The following CDC42BPB variants were observed in gnomAD, a reference collection of about 807,000 sequenced individuals.
CDC42BPB encodes CDC42 binding protein kinase beta, also known as serine/threonine-protein kinase MRCK beta.
In CDC42BPB, 37 loss-of-function variants were observed where a neutral mutation model predicts 214.9. That is an observed-to-expected ratio of 0.17 (90% CI 0.13 to 0.23). The LOEUF (loss-of-function observed/expected upper bound fraction) is 0.23. Among genes scored for constraint, CDC42BPB ranks in the 10% least tolerant of loss-of-function variants. The pLI, the probability that CDC42BPB is intolerant of heterozygous loss-of-function variation, is 1.00. For missense variants in CDC42BPB, 1,694 were observed against 2,227.0 expected, an observed-to-expected ratio of 0.76 and a Z score of 4.82; for synonymous variants, 931 against 884.0, an observed-to-expected ratio of 1.05 and a Z score of -0.94.
At chr14:102,965,547 A>G (rs1162786086) in intron 18 of CDC42BPB, among the ~76,000 whole-genome samples, 1 of 152,210 alleles carries the variant, frequency 6.6e-6, no homozygotes, top group African/African-American at 2.4e-5. Flanking sequence ...GAGGTATCAA[A>G]GAAGTCCAGA....
intron 8 of CDC42BPB, among the ~76,000 whole-genome samples, chr14:102,979,928 G>C (rs1363364757): frequency 1.2e-4 from 19 of 152,188 alleles, no homozygotes; most frequent in Admixed American, 1.2e-3. Flanking sequence ...TTAAACATCA[G>C]TGCGGAGACT....
At chr14:102,977,339 CAAAAAAA>C (rs56368090) in intron 9 of CDC42BPB, among the ~76,000 whole-genome samples, 877 of 85,104 alleles carry the variant, frequency 0.01, 14 homozygotes, top group African/African-American at 0.035. Flanking sequence ...ACTCCGTCTC[CAAAAAAA>C]AAAAAAAAAA....
chr14:103,030,892 C>T (rs2139704086), intron 1 of CDC42BPB, among the ~76,000 whole-genome samples: 1 of 151,954 alleles, frequency 6.6e-6, no homozygotes, highest in Admixed American at 6.6e-5. Flanking sequence ...GAGGCTGAGA[C>T]GGGAGGATGG....
chr14:102,980,639 A>G, intron 8 of CDC42BPB, 134 bp downstream of exon 8: 1 of 783,482 alleles, frequency 1.3e-6, no homozygotes, highest in Non-Finnish European at 2.1e-6. Flanking sequence ...GAAGGCTGGA[A>G]TAAAAAGCAC....
In CDC42BPB at chr14:103,004,321, C is replaced by A. The variant is rs1358869204; in HGVS notation, c.352-298G>T. 2.3e-6 allele frequency: 1 copy of A among 431,682 alleles called. No homozygotes were observed. The highest frequency in any genetic ancestry group is 8.3e-4 in the Middle Eastern group (1 of 1,208). 26.7% of individuals were successfully genotyped at this position (431,682 alleles called of 1,614,324 possible). On this transcript the variant is annotated intron_variant, in intron 3 of 36. Transcript: ENST00000361246. The surrounding 1 kb of genome is among the most constrained non-coding windows in gnomAD (Gnocchi z 5.3). ...ACCCCACCCTTATGTGGATTCCTGA[C>A]TGGGCTCCTCCCACCTGGCACCTCC... is the stretch of plus-strand genomic sequence containing the variant.
In CDC42BPB at chr14:102,980,836, A is replaced by T; in HGVS notation, c.1077T>A (p.Pro359=). ...ATGTGTCAGAGGGACTGCTCACATC[A>T]GGAATATAAGGTGCTTCTAGGTTTC... is the stretch of plus-strand genomic sequence containing the variant. ...NIRNLEAPYI[P]DVSSPSDTSN... The change falls in exon 8 of 37, where the codon CCT becomes CCA. Residue 359 remains proline (P), a synonymous_variant. Coordinates refer to ENST00000361246, the MANE Select transcript of CDC42BPB (RefSeq NM_006035.4). The T allele has an allele frequency of 6.2e-7, 1 of 1,614,204 alleles. No homozygotes were observed. The highest frequency in any genetic ancestry group is 8.5e-7 in the Non-Finnish European group (1 of 1,180,006).
chr14:102,981,244 A>G, intron 7 of CDC42BPB: 1 of 932,414 alleles, frequency 1.1e-6, no homozygotes. Context: ...ACCACACTGC[A>G]TGTAAATGAC....
At chr14:102,955,798 GC>G (rs1566855614) in intron 21 of CDC42BPB, among the ~76,000 whole-genome samples, 1 of 152,204 alleles carries the variant, frequency 6.6e-6, no homozygotes, top group Non-Finnish European at 1.5e-5. Flanking sequence ...CTGGGTAGGC[GC>G]CTAAAGCATT....
At chr14:103,034,392 A>T (rs1887552542) in intron 1 of CDC42BPB, among the ~76,000 whole-genome samples, 1 of 152,206 alleles carries the variant, frequency 6.6e-6, no homozygotes, top group Admixed American at 6.6e-5. Context: ...AAATGAAAAC[A>T]TTTAAAGTTC....
In CDC42BPB at chr14:102,973,961, T is replaced by C. The variant is rs549975433; in HGVS notation, c.1641+55A>G. The C allele has an allele frequency of 1.5e-4, 233 of 1,554,486 alleles. No individual in the cohort carries two copies. In the African/African-American group the frequency reaches 2.8e-3, roughly 19 times the overall value. ...TCCATCATCGGCATGAACGTGACCT[T>C]ACAGAATTCTGCAAAGTCCCGTAAG... On this transcript the variant is annotated intron_variant, in intron 12 of 36. Transcript: ENST00000361246.
chr14:102,999,927 T>C, intron 4 of CDC42BPB: 1 of 984,210 alleles, frequency 1.0e-6, no homozygotes, highest in Non-Finnish European at 1.2e-6. Flanking sequence ...TGGCAGAGAG[T>C]GGACTTCAGT....
At chr14:103,053,541 C>T (rs1169469902) in intron 1 of CDC42BPB, among the ~76,000 whole-genome samples, 3 of 151,804 alleles carry the variant, frequency 2.0e-5, no homozygotes, top group Non-Finnish European at 2.9e-5. Flanking sequence ...GGGGGCAGAT[C>T]ACGAGGTCTG....
chr14:102,986,057 T>C (rs1201836441), intron 6 of CDC42BPB, among the ~76,000 whole-genome samples: 3 of 152,106 alleles, frequency 2.0e-5, no homozygotes, highest in African/African-American at 4.8e-5. Context: ...ACAACACCCA[T>C]AGAGAGGAAA....
At chr14:102,957,935 C>T (rs891396719) in intron 21 of CDC42BPB, among the ~76,000 whole-genome samples, 1 of 152,190 alleles carries the variant, frequency 6.6e-6, no homozygotes, top group East Asian at 1.9e-4. Flanking sequence ...AGAGTTTGTG[C>T]CAAAGGTTCA....
At chr14:103,012,065 A>T in intron 2 of CDC42BPB, 32 bp downstream of exon 2, 1 of 1,464,566 alleles carries the variant, frequency 6.8e-7, no homozygotes, top group Non-Finnish European at 9.6e-7. Context: ...TTGGCAATTT[A>T]GGCAAAGTTA....
chr14:102,973,940 T>A, intron 12 of CDC42BPB, 76 bp downstream of exon 12: 1 of 1,496,462 alleles, frequency 6.7e-7, no homozygotes, highest in Admixed American at 2.2e-5. Context: ...AGGTCTTCCA[T>A]CATCGGCATG....
At chr14:102,938,551 C>T in intron 34 of CDC42BPB, 140 bp from the exon 35 acceptor site, 1 of 1,426,944 alleles carries the variant, frequency 7.0e-7, no homozygotes. Context: ...CTGGATTGGA[C>T]AAGGGTTCTG....
At chr14:102,971,022 G>C (rs1343205618) in intron 13 of CDC42BPB, among the ~76,000 whole-genome samples, 1 of 152,178 alleles carries the variant, frequency 6.6e-6, no homozygotes, top group Non-Finnish European at 1.5e-5. Flanking sequence ...AGAACACCCA[G>C]GGCGGCACAG....
rs1891978596 is a variant in CDC42BPB, at chr14:102,943,173, A to G, written c.4408+718T>C. 6.6e-6 allele frequency among the ~76,000 whole-genome samples: 1 copy of G among 151,988 alleles called. No homozygotes were observed. The highest frequency in any genetic ancestry group is 2.1e-4 in the South Asian group (1 of 4,818). Reference sequence around the variant, plus strand: ...AGGTGTGAGCCATATTTTGTTATTTAGTAGAGATGAGGCTGGTATTGAACT... The same window carrying G: ...AGGTGTGAGCCATATTTTGTTATTTGGTAGAGATGAGGCTGGTATTGAACT... On this transcript the variant is annotated intron_variant, in intron 30 of 36. Coordinates refer to ENST00000361246, the MANE Select transcript of CDC42BPB (RefSeq NM_006035.4). This position sits in a 1 kb window ranked among gnomAD's most constrained non-coding sequence, Gnocchi z 4.6.
Sources: allele counts gnomAD v4.1 joint callset (sites outside exome capture counted in the v4.1 genomes callset), GRCh38; gene constraint gnomAD v4.1.1; non-coding constraint Gnocchi (gnomAD v3.1); transcripts MANE v1.5; gene names NCBI Gene and HGNC (gene_info 2026-07-23, HGNC 2026-07-21).